The following PDZRN4 variants were observed in gnomAD, a reference collection of about 807,000 sequenced individuals.
The protein encoded by PDZRN4 is PDZ domain containing ring finger 4.
A neutral mutation model predicts 99.0 loss-of-function variants in PDZRN4; 70 were observed. The ratio of observed to expected loss-of-function variants is 0.71; its 90% CI spans 0.58 to 0.86. PDZRN4 has a LOEUF of 0.86. Among genes scored for constraint, PDZRN4 ranks in the 40% least tolerant of loss-of-function variants. The pLI, the probability that PDZRN4 is intolerant of heterozygous loss-of-function variation, is 0.00. For synonymous variants in PDZRN4, 551 were observed against 501.6 expected, an observed-to-expected ratio of 1.10 and a Z score of -1.32; for missense variants, 1,474 against 1,331.2, an observed-to-expected ratio of 1.11 and a Z score of -1.67.
chr12:41,379,750 G>T (rs1233072464), intron 3 of PDZRN4, among the ~76,000 whole-genome samples: 3 of 151,642 alleles, frequency 2.0e-5, no homozygotes, highest in Admixed American at 1.3e-4. Flanking sequence ...ATTATTAAGA[G>T]ATGTTTTGGG....
At chr12:41,415,405 C>T (rs1463437088) in intron 3 of PDZRN4, among the ~76,000 whole-genome samples, 1 of 149,798 alleles carries the variant, frequency 6.7e-6, no homozygotes, top group Non-Finnish European at 1.5e-5. Context: ...ATATACATAT[C>T]ATTGTAATAT....
rs1372004302 is a variant in PDZRN4, at chr12:41,573,683, A to G, written c.2904A>G (p.Leu968=). 6.2e-7 allele frequency: 1 copy of G among 1,613,954 alleles called. No homozygotes were observed. Among genetic ancestry groups the G allele is most frequent in the Non-Finnish European group, 8.5e-7 (1 of 1,180,010 alleles). The change falls in exon 10 of 10, where the codon TTA becomes TTG. Residue 968 remains leucine, a synonymous_variant. Coordinates refer to ENST00000402685, the MANE Select transcript of PDZRN4 (RefSeq NM_001164595.2). Reference sequence around the variant, plus strand: ...GTGAGTTCATGATGCGAAGCAGGTTAGAGTGTCTCAAGGAGAGCCCTCAGA... The same window carrying G: ...GTGAGTTCATGATGCGAAGCAGGTTGGAGTGTCTCAAGGAGAGCCCTCAGA... ...RRREFMMRSR[L]ECLKESPQSG... is the part of the protein sequence containing the mutation.
Position 41,372,247 on chromosome 12 carries a change from A to T in PDZRN4, c.844-134209A>T, listed in dbSNP as rs115097561. On this transcript the variant is annotated intron_variant, in intron 3 of 9. Transcript: ENST00000402685. ...GGCCCAGCCTTGTAATTATAAAACC[A>T]GTTATATAAAATGTGATTATTATGC... Among the ~76,000 whole-genome samples, 473 of 152,308 alleles carry T rather than the reference A, an allele frequency of 3.1e-3. 5 individuals carry two copies. The highest frequency in any genetic ancestry group is 0.011 in the African/African-American group (450 of 41,572).
chr12:41,558,478 T>C (rs1038050774), intron 7 of PDZRN4, among the ~76,000 whole-genome samples: 8 of 152,174 alleles, frequency 5.3e-5, no homozygotes, highest in African/African-American at 1.9e-4. Context: ...CTAGGCTAGA[T>C]ACACAAATAC....
chr12:41,357,009 G>A (rs1206500332), intron 3 of PDZRN4, among the ~76,000 whole-genome samples: 4 of 152,056 alleles, frequency 2.6e-5, no homozygotes, highest in Non-Finnish European at 4.4e-5. Context: ...GTTTTCAGAG[G>A]AGAATTATTT....
chr12:41,441,061 T>C (rs529081485), intron 3 of PDZRN4, among the ~76,000 whole-genome samples: 76 of 152,300 alleles, frequency 5.0e-4, no homozygotes, highest in African/African-American at 1.7e-3. Flanking sequence ...GAATCCAGTG[T>C]AACTTTTTGA....
chr12:41,284,682 A>G (rs547291349), intron 3 of PDZRN4, among the ~76,000 whole-genome samples: 35 of 152,354 alleles, frequency 2.3e-4, no homozygotes, highest in African/African-American at 8.4e-4. Flanking sequence ...GACACAGAAC[A>G]GAAGCCTCAG....
At chr12:41,303,207 C>G (rs1309599989) in intron 3 of PDZRN4, among the ~76,000 whole-genome samples, 1 of 152,122 alleles carries the variant, frequency 6.6e-6, no homozygotes, top group Non-Finnish European at 1.5e-5. Context: ...ATAATGTTGT[C>G]AGTGTTGGCC....
chr12:41,550,066 C>T (rs772313318), intron 5 of PDZRN4, among the ~76,000 whole-genome samples: 4 of 152,240 alleles, frequency 2.6e-5, no homozygotes, highest in Admixed American at 6.5e-5. Flanking sequence ...TTTGTGGTGT[C>T]GAAGAATTAT....
intron 3 of PDZRN4, among the ~76,000 whole-genome samples, chr12:41,282,740 A>C (rs146919216): frequency 1.3e-5 from 2 of 152,324 alleles, no homozygotes; most frequent in East Asian, 3.9e-4. Flanking sequence ...ATACAACTAC[A>C]TGGAAACTGA....
At chr12:41,476,605 T>C (rs1054557714) in intron 3 of PDZRN4, among the ~76,000 whole-genome samples, 1 of 152,196 alleles carries the variant, frequency 6.6e-6, no homozygotes. Flanking sequence ...CTGAAACCTT[T>C]GGTCTACTCT....
At chr12:41,347,824 C>A (rs1168546505) in intron 3 of PDZRN4, among the ~76,000 whole-genome samples, 2 of 152,098 alleles carry the variant, frequency 1.3e-5, no homozygotes, top group Non-Finnish European at 2.9e-5. Context: ...TAAAGTGTAT[C>A]TCATGGCATA....
chr12:41,506,687 A>T lies in PDZRN4; in HGVS notation c.1075A>T (p.Ile359Phe). The change falls in exon 4 of 10, where the codon ATC (isoleucine) becomes TTC (phenylalanine). Residue 359 changes from isoleucine (I) to phenylalanine (F), a missense_variant. Transcript: ENST00000402685. ...LRPPTPPVPD[I>F]CPFLLSDSCH... is the part of the protein sequence containing the mutation. Reference sequence around the variant, plus strand: ...TCCACCTACCCCTCCAGTGCCAGACATCTGTCCATTCCTGCTCTCAGACAG... The same window carrying T: ...TCCACCTACCCCTCCAGTGCCAGACTTCTGTCCATTCCTGCTCTCAGACAG... The T allele has an allele frequency of 6.2e-7, 1 of 1,613,440 alleles. No homozygotes were observed. The highest frequency in any genetic ancestry group is 8.5e-7 in the Non-Finnish European group (1 of 1,179,602).
intron 5 of PDZRN4, 139 bp from the exon 6 acceptor site, chr12:41,552,517 A>G (rs987613792): frequency 7.5e-6 from 4 of 533,950 alleles, no homozygotes; most frequent in Non-Finnish European, 1.3e-5. Flanking sequence ...TATTGGTAAA[A>G]AAAAAAAAGT....
intron 3 of PDZRN4, among the ~76,000 whole-genome samples, chr12:41,280,014 C>T (rs1951372797): frequency 6.6e-6 from 1 of 152,084 alleles, no homozygotes; most frequent in Non-Finnish European, 1.5e-5. Context: ...CAGAGGTACC[C>T]GGTTCTTCTC....
At position 41,188,554 on chromosome 12, in the gene PDZRN4, C is replaced by T. The variant is rs200986543; in HGVS notation, c.99C>T (p.Cys33=). The T allele has an allele frequency of 6.0e-5, 93 of 1,559,568 alleles. No homozygotes were observed. In the African/African-American group the frequency reaches 7.0e-4, roughly 12 times the overall value. Residue 33 remains cysteine, a synonymous_variant, in exon 1 of 10, where the codon TGC becomes TGT. Coordinates refer to ENST00000402685, the MANE Select transcript of PDZRN4 (RefSeq NM_001164595.2). ...TTGAAGAGCCCCTGTGCACGCCGTG[C>T]GGGCACGTCTTCTGCGCCAGCTGCC... ...QVLEEPLCTP[C]GHVFCASCLL... is the part of the protein sequence containing the mutation.
intron 3 of PDZRN4, among the ~76,000 whole-genome samples, chr12:41,499,611 T>A (rs2120654301): frequency 6.6e-6 from 1 of 152,038 alleles, no homozygotes; most frequent in East Asian, 1.9e-4. Context: ...AAGGAAAAGA[T>A]AATGAAAGGA....
intron 5 of PDZRN4, among the ~76,000 whole-genome samples, chr12:41,552,300 GC>G (rs1294919295): frequency 6.6e-6 from 1 of 151,984 alleles, no homozygotes; most frequent in Non-Finnish European, 1.5e-5. Context: ...TGAACATTTT[GC>G]CACTAACTTT....
chr12:41,573,954 T>G lies in PDZRN4; in HGVS notation c.*64T>G. ...TGCTACCAGTTTCGGTAGAGTATGA[T>G]TGCCTCGTTCAATGTGGCGTTTTTA... On this transcript the variant is annotated 3_prime_UTR_variant, in exon 10 of 10. Coordinates refer to ENST00000402685, the MANE Select transcript of PDZRN4 (RefSeq NM_001164595.2). The G allele has an allele frequency of 8.4e-7, 1 of 1,190,088 alleles. No homozygotes were observed. Among genetic ancestry groups the G allele is most frequent in the Non-Finnish European group, 1.2e-6 (1 of 857,728 alleles). 73.7% of individuals were successfully genotyped at this position (1,190,088 alleles called of 1,614,324 possible). A position where few individuals can be genotyped will look rare whatever the true frequency, so the allele number is the denominator to read the frequency against.
Sources: allele counts gnomAD v4.1 joint callset (sites outside exome capture counted in the v4.1 genomes callset), GRCh38; gene constraint gnomAD v4.1.1; transcripts MANE v1.5; gene names NCBI Gene and HGNC (gene_info 2026-07-23, HGNC 2026-07-21).